Variants in ADGRE2 observed in about 807,000 individuals in gnomAD.
ADGRE2 encodes CD97 antigen.
Under a neutral mutation model 100.8 loss-of-function variants are expected in ADGRE2, and 83 were observed. That is an observed-to-expected ratio of 0.82 (90% CI 0.69 to 0.99). The LOEUF is 0.99. Among genes scored for constraint, ADGRE2 ranks in the 50% least tolerant of loss-of-function variants. The pLI is 0.00. For missense variants in ADGRE2, 814 were observed against 1,035.7 expected (o/e 0.79, Z 2.94); for synonymous variants, 355 against 413.0 (o/e 0.86, Z 1.70).
chr19:14,726,216 C>G, the ADGRE2 span, among the ~76,000 whole-genome samples: 1 of 152,160 alleles, frequency 6.6e-6, no homozygotes, highest in South Asian at 2.1e-4. Context: ...GTGGCTGGAA[C>G]GTGGAGAATG....
chr19:14,776,605 G>A, intron 2 of ADGRE2, 121 bp downstream of exon 2: 1 of 1,184,072 alleles, frequency 8.4e-7, no homozygotes, highest in Non-Finnish European at 1.2e-6. Flanking sequence ...GCTTGACCAT[G>A]TGGCTTTCTC....
chr19:14,731,110 C>G, downstream of ADGRE2: 5 of 1,391,654 alleles, frequency 3.6e-6, no homozygotes, highest in African/African-American at 1.4e-5. Flanking sequence ...CAAGGATTGG[C>G]CCCTTTATTC....
chr19:14,727,406 G>A (rs542054794), downstream of ADGRE2, among the ~76,000 whole-genome samples: 1 of 152,258 alleles, frequency 6.6e-6, no homozygotes, highest in East Asian at 1.9e-4. Flanking sequence ...CTTCTGGTGA[G>A]GGCCTCAGGA....
chr19:14,760,208 T>C (rs925023713), intron 11 of ADGRE2, among the ~76,000 whole-genome samples: 5 of 152,154 alleles, frequency 3.3e-5, no homozygotes, highest in Non-Finnish European at 5.9e-5. Context: ...AGGACTTCAA[T>C]TGTTCCCAAC....
chr19:14,772,193 G>T, intron 5 of ADGRE2, 149 bp downstream of exon 5: 1 of 1,155,782 alleles, frequency 8.7e-7, no homozygotes, highest in Non-Finnish European at 1.2e-6. Context: ...CTCTGGGCTG[G>T]CGAAACAGGT....
At chr19:14,728,608 C>G (rs2042648420), downstream of ADGRE2, among the ~76,000 whole-genome samples, 1 of 152,210 alleles carries the variant, frequency 6.6e-6, no homozygotes, top group Non-Finnish European at 1.5e-5. Flanking sequence ...CTGCATCAAA[C>G]TTTCTCTAGA....
chr19:14,766,240 C>T lies in ADGRE2; in HGVS notation c.629G>A (p.Cys210Tyr), dbSNP rs777714572. Residue 210 changes from cysteine to tyrosine, a missense_variant, in exon 7 of 21, where the codon TGT (cysteine) becomes TAT (tyrosine). By Grantham distance (194) the Cys-to-Tyr change is radical. This residue lies in a region of ADGRE2 where 69 missense variants were observed against 75.3 expected (regional missense o/e 0.92). Transcript: ENST00000315576. ...GTGGGATCTGAGCTCTCGACCTTCACAGACGGTATTGTTTGGGCCATTGGG... is the reference window on the plus strand; with the variant it reads ...GTGGGATCTGAGCTCTCGACCTTCATAGACGGTATTGTTTGGGCCATTGGG... ...GSPNGPNNTVCEDVDECSSGQ... is the reference protein window; with the variant it reads ...GSPNGPNNTVYEDVDECSSGQ... 13 of 1,613,990 alleles carry T rather than the reference C, an allele frequency of 8.1e-6. No homozygotes were observed. The highest frequency in any genetic ancestry group is 1.7e-5 in the Admixed American group (1 of 59,986).
At chr19:14,731,263 C>A, downstream of ADGRE2, 1 of 1,389,356 alleles carries the variant, frequency 7.2e-7, no homozygotes, top group Non-Finnish European at 9.9e-7. Flanking sequence ...ATCAAAGGAT[C>A]ACTACTGGGG....
At position 14,751,892 on chromosome 19, in the gene ADGRE2, T is replaced by TACACAC. The variant is rs149318162; in HGVS notation, c.1789-227_1789-222dup. On this transcript the variant is annotated intron_variant, in intron 15 of 20. Coordinates refer to ENST00000315576, the MANE Select transcript of ADGRE2 (RefSeq NM_013447.4). ...ATATATATACGTGTATATATACGTA[T>TACACAC]ACACACACACACACACACACATATA... Among the ~76,000 whole-genome samples the TACACAC allele has an allele frequency of 1.7e-3, 232 of 139,616 alleles. 1 individual carries two copies. Among genetic ancestry groups the TACACAC allele is most frequent in the African/African-American group, 5.5e-3 (209 of 37,660 alleles). 91.6% of individuals were successfully genotyped at this position (139,616 alleles called of 152,430 possible).
At chr19:14,727,166 T>C in the ADGRE2 span, among the ~76,000 whole-genome samples, 3 of 151,358 alleles carry the variant, frequency 2.0e-5, no homozygotes, top group Non-Finnish European at 2.9e-5. Flanking sequence ...CAGCTGGGAC[T>C]ACAGGTGTCC....
At chr19:14,759,511 T>A (rs1426205945) in intron 11 of ADGRE2, among the ~76,000 whole-genome samples, 1 of 102,588 alleles carries the variant, frequency 9.7e-6, no homozygotes, top group African/African-American at 5.3e-5. Context: ...ATATTTTTTT[T>A]TTTTAGACGG....
At chr19:14,764,180 A>C (rs2043860742) in intron 11 of ADGRE2, among the ~76,000 whole-genome samples, 1 of 152,052 alleles carries the variant, frequency 6.6e-6, no homozygotes, top group Admixed American at 6.6e-5. Flanking sequence ...CTCTCACCTC[A>C]GCCTCCCAAC....
At chr19:14,748,858 C>T (rs1359951980) in intron 16 of ADGRE2, among the ~76,000 whole-genome samples, 1 of 152,050 alleles carries the variant, frequency 6.6e-6, no homozygotes, top group Non-Finnish European at 1.5e-5. Context: ...ACCAAAATCC[C>T]TTATGAAAAT....
intron 2 of ADGRE2, among the ~76,000 whole-genome samples, chr19:14,775,473 G>C (rs2044401055): frequency 6.6e-6 from 1 of 152,104 alleles, no homozygotes; most frequent in Admixed American, 6.6e-5. Flanking sequence ...CCATGAGCCT[G>C]GTGGGGGTCT....
chr19:14,761,602 G>A (rs1427369261), intron 11 of ADGRE2, among the ~76,000 whole-genome samples: 1 of 151,684 alleles, frequency 6.6e-6, no homozygotes, highest in East Asian at 1.9e-4. Flanking sequence ...TCGAGCTGCA[G>A]ACATAGGCAA....
chr19:14,752,187 T>A, intron 15 of ADGRE2, 142 bp downstream of exon 15: 1 of 1,026,690 alleles, frequency 9.7e-7, no homozygotes, highest in Non-Finnish European at 1.4e-6. Flanking sequence ...CCCACCTCAG[T>A]CTCCCAAAGT....
chr19:14,725,526 C>T, the ADGRE2 span, among the ~76,000 whole-genome samples: 20 of 152,252 alleles, frequency 1.3e-4, no homozygotes, highest in African/African-American at 4.6e-4. Context: ...ATTCCTTCCC[C>T]GTGAGCCTGT....
chr19:14,755,886 C>T lies in ADGRE2; in HGVS notation c.1193-9G>A, dbSNP rs28420691. The stretch of plus-strand genomic sequence containing the variant: ...GCCCACCACAGAAGGGCCTGCAGGG[C>T]GAGGCCAAGGTTGAATCTTGGAGTA... On this transcript the variant is annotated splice_polypyrimidine_tract_variant and intron_variant, in intron 12 of 20. Transcript: ENST00000315576. 0.37 allele frequency: 603,220 copies of T among 1,610,506 alleles called. 119,309 individuals carry two copies. The highest frequency in any genetic ancestry group is 0.61 in the African/African-American group (45,546 of 74,842).
intron 20 of ADGRE2, among the ~76,000 whole-genome samples, chr19:14,740,578 A>T (rs1467921254): frequency 6.7e-6 from 1 of 148,658 alleles, no homozygotes; most frequent in East Asian, 2.0e-4. Context: ...CTGAGATAGC[A>T]CCATTGTACT....
Sources: allele counts gnomAD v4.1 joint callset (sites outside exome capture counted in the v4.1 genomes callset), GRCh38; gene constraint gnomAD v4.1.1; regional missense constraint gnomAD v4.1.1; transcripts MANE v1.5; gene names NCBI Gene and HGNC (gene_info 2026-07-23, HGNC 2026-07-21).